Variants in PKHD1 observed in about 807,000 individuals in gnomAD.
PKHD1 encodes PKHD1 ciliary IPT domain containing fibrocystin/polyductin.
A neutral mutation model predicts 412.0 loss-of-function variants in PKHD1; 291 were observed. The observed-to-expected ratio is 0.71, with a 90% CI of 0.64 to 0.78. PKHD1 has a LOEUF of 0.78. PKHD1 is among the 30% of genes least tolerant of loss of function. PKHD1 has a pLI of 0.00. For missense variants in PKHD1, 4,825 were observed against 4,950.7 expected (o/e 0.97, Z 0.76); for synonymous variants, 1,777 against 1,821.5 (o/e 0.98, Z 0.62).
intron 53 of PKHD1, among the ~76,000 whole-genome samples, chr6:51,784,183 C>A (rs139448214): frequency 6.6e-6 from 1 of 152,060 alleles, no homozygotes; most frequent in African/African-American, 2.4e-5. Context: ...ATGAGTAGCA[C>A]GGATCAGAAG....
At position 52,050,242 on chromosome 6, in the gene PKHD1, C is replaced by A. The variant is rs201432731; in HGVS notation, c.2194G>T (p.Val732Phe). Residue 732 changes from valine to phenylalanine, a missense_variant, in exon 22 of 67, where the codon GTC (valine) becomes TTC (phenylalanine). Physicochemically the swap from Val to Phe is conservative, Grantham distance 50 (BLOSUM62 -1). Coordinates refer to ENST00000371117, the MANE Select transcript of PKHD1 (RefSeq NM_138694.4). The part of the protein sequence containing the change: ...ARPGGNLVES[V>F]SVVGSPPVYS... Reference sequence around the variant, plus strand: ...ACCGGAGGGGATCCCACCACAGAGACTGATTCCACCAGATTGCCCCCTGGG... The same window carrying A: ...ACCGGAGGGGATCCCACCACAGAGAATGATTCCACCAGATTGCCCCCTGGG... The A allele has an allele frequency of 3.7e-4, 598 of 1,614,220 alleles. 5 individuals carry two copies. The highest frequency in any genetic ancestry group is 1.3e-3 in the Admixed American group (81 of 60,030).
intron 34 of PKHD1, among the ~76,000 whole-genome samples, chr6:52,014,659 GGATGGATGGATA>G (rs1478703363): frequency 1.3e-5 from 2 of 150,070 alleles, no homozygotes; most frequent in African/African-American, 2.5e-5. Context: ...ATGGATTGAT[GGATGGATGGATA>G]GATGGATGGA....
rs372486892 is a variant in PKHD1, at chr6:52,024,697, C to A, written c.5113G>T (p.Val1705Leu). The A allele has an allele frequency of 1.9e-6, 3 of 1,614,202 alleles. No individual in the cohort carries two copies. The highest frequency in any genetic ancestry group is 2.2e-5 in the South Asian group (2 of 91,076). Residue 1705 changes from valine to leucine, a missense_variant, in exon 32 of 67, where the codon GTG becomes TTG. By Grantham distance (32) the Val-to-Leu change is conservative. Transcript: ENST00000371117. ...VSGNHTVLQC[V>L]VPSLPAGEYH... The stretch of plus-strand genomic sequence containing the variant: ...TCCCCGGCCGGAAGGGAAGGGACCA[C>A]GCACTGAAGAACGGTGTGGTTACCA...
chr6:51,867,430 T>C (rs949028470), intron 48 of PKHD1, among the ~76,000 whole-genome samples: 4 of 152,078 alleles, frequency 2.6e-5, no homozygotes, highest in African/African-American at 9.7e-5. Context: ...ACCTTGCAAG[T>C]AATAGGAGGC....
At chr6:51,899,623 C>G (rs1297578012) in intron 43 of PKHD1, among the ~76,000 whole-genome samples, 1 of 151,102 alleles carries the variant, frequency 6.6e-6, no homozygotes, top group Admixed American at 6.6e-5. Context: ...GGGATGCCCT[C>G]TCTCACCACT....
intron 35 of PKHD1, among the ~76,000 whole-genome samples, chr6:51,965,721 C>T (rs893085705): frequency 1.3e-5 from 2 of 152,078 alleles, no homozygotes; most frequent in Non-Finnish European, 2.9e-5. Context: ...CCTTTCTCAT[C>T]ATTAGAAAAC....
At chr6:52,053,330 C>CT in intron 20 of PKHD1, 79 bp from the exon 21 acceptor site, 1 of 1,425,720 alleles carries the variant, frequency 7.0e-7, no homozygotes. Flanking sequence ...TGTTCCCAAC[C>CT]TGGGGGGCCT....
At chr6:52,038,968 A>G (rs115079325) in intron 27 of PKHD1, among the ~76,000 whole-genome samples, 2,897 of 152,332 alleles carry the variant, frequency 0.019, 89 homozygotes, top group African/African-American at 0.066. Context: ...ATGGGAGAAA[A>G]TATTTGCAAA....
chr6:52,058,305 C>A lies in PKHD1; in HGVS notation c.1512+18G>T. On this transcript the variant is annotated intron_variant, in intron 16 of 66. Transcript: ENST00000371117. ...CCTTCCAGAGTTCAGCTCCATGGGACTGGAAAGAGACACAGACCTGTACTT... is the reference window on the plus strand; with the variant it reads ...CCTTCCAGAGTTCAGCTCCATGGGAATGGAAAGAGACACAGACCTGTACTT... The A allele has an allele frequency of 6.2e-7, 1 of 1,613,634 alleles. No homozygotes were observed. Among genetic ancestry groups the A allele is most frequent in the Non-Finnish European group, 8.5e-7 (1 of 1,179,806 alleles).
chr6:52,023,924 T>C (rs1801760622), intron 32 of PKHD1, among the ~76,000 whole-genome samples: 2 of 152,202 alleles, frequency 1.3e-5, no homozygotes, highest in Admixed American at 1.3e-4. Flanking sequence ...TCTTAGTTAG[T>C]ACTCCAACAG....
intron 60 of PKHD1, among the ~76,000 whole-genome samples, chr6:51,685,073 C>A (rs1777231728): frequency 6.6e-6 from 1 of 152,046 alleles, no homozygotes; most frequent in Non-Finnish European, 1.5e-5. Context: ...CATGATTTTC[C>A]AGATAAAACT....
chr6:51,650,364 T>C (rs1355040369), intron 61 of PKHD1, among the ~76,000 whole-genome samples: 2 of 152,130 alleles, frequency 1.3e-5, no homozygotes, highest in African/African-American at 4.8e-5. Context: ...CACCTGGACA[T>C]CACATATATA....
chr6:51,808,547 T>G (rs1164368702), intron 52 of PKHD1, among the ~76,000 whole-genome samples: 1 of 152,088 alleles, frequency 6.6e-6, no homozygotes, highest in Non-Finnish European at 1.5e-5. Flanking sequence ...TGTGTGTGTT[T>G]ATGTATGTGT....
At chr6:51,804,312 A>T (rs1314386348) in intron 52 of PKHD1, among the ~76,000 whole-genome samples, 2 of 125,892 alleles carry the variant, frequency 1.6e-5, no homozygotes, top group Non-Finnish European at 3.2e-5. Flanking sequence ...AAGTCCCTCT[A>T]GGCTCAACTC....
intron 36 of PKHD1, among the ~76,000 whole-genome samples, chr6:51,944,619 C>A (rs1432265653): frequency 6.6e-6 from 1 of 152,164 alleles, no homozygotes; most frequent in Non-Finnish European, 1.5e-5. Context: ...TTCCCCATAC[C>A]CTAGTTCCCT....
intron 49 of PKHD1, among the ~76,000 whole-genome samples, chr6:51,848,599 C>G (rs766976): frequency 1.9e-4 from 29 of 152,274 alleles, no homozygotes; most frequent in Middle Eastern, 3.4e-3. Context: ...GAGGCACACC[C>G]TACTGTTTTC....
chr6:51,666,688 TC>T lies in PKHD1; in HGVS notation c.10157-6720del, dbSNP rs571968074. Among the ~76,000 whole-genome samples, 426 of 100,892 alleles carry T rather than the reference TC, an allele frequency of 4.2e-3. 6 individuals are homozygous for T. The highest frequency in any genetic ancestry group is 0.016 in the African/African-American group (409 of 25,852). The allele number at this position is 100,892 out of a possible 152,430, so 66.2% of individuals were successfully genotyped here. A position where few individuals can be genotyped will look rare whatever the true frequency, so the allele number is the denominator to read the frequency against. Reference sequence around the variant, plus strand: ...TAGGTATATCTCCCAATGCTATCCCTCCCCCCTCCCCCCACCCCACAACAGT... The same window carrying T: ...TAGGTATATCTCCCAATGCTATCCCTCCCCCTCCCCCCACCCCACAACAGT... On this transcript the variant is annotated intron_variant, in intron 60 of 66. Coordinates refer to ENST00000371117, the MANE Select transcript of PKHD1 (RefSeq NM_138694.4).
At position 51,949,464 on chromosome 6, in the gene PKHD1, G is replaced by A. The variant is rs1789983630; in HGVS notation, c.5908+10406C>T. Among the ~76,000 whole-genome samples the A allele has an allele frequency of 1.3e-5, 2 of 152,118 alleles. 1 individual carries two copies. The highest frequency in any genetic ancestry group is 4.1e-4 in the South Asian group (2 of 4,826). On this transcript the variant is annotated intron_variant, in intron 36 of 66. Coordinates refer to ENST00000371117, the MANE Select transcript of PKHD1 (RefSeq NM_138694.4). The stretch of plus-strand genomic sequence containing the variant: ...GGAGCCAGGAGAAGGTGAGGAAGAG[G>A]AGGAAAGAGGAGCATTTAGAGAAGG...
At chr6:52,013,391 A>G (rs1006541420) in intron 34 of PKHD1, among the ~76,000 whole-genome samples, 1 of 152,186 alleles carries the variant, frequency 6.6e-6, no homozygotes, top group Non-Finnish European at 1.5e-5. Context: ...CCATATTTGT[A>G]ACTACCTTGC....
Sources: gnomAD v4.1 joint callset for allele counts (sites outside exome capture counted in the v4.1 genomes callset) on GRCh38, gnomAD v4.1.1 for gene constraint, MANE v1.5 for transcripts, NCBI Gene and HGNC (gene_info 2026-07-23, HGNC 2026-07-21) for gene names.